PCSK6: variants seen among roughly 807,000 people sequenced by gnomAD.
PCSK6 encodes the protein paired basic amino acid cleaving enzyme 4.
In PCSK6, 85 loss-of-function variants were observed where a neutral mutation model predicts 123.3. The ratio of observed to expected loss-of-function variants is 0.69; its 90% confidence interval spans 0.58 to 0.83. The LOEUF (loss-of-function observed/expected upper bound fraction) is 0.83. Ranked by LOEUF, PCSK6 falls within the 40% of genes least tolerant of loss-of-function variation. The pLI, the probability that PCSK6 is intolerant of heterozygous loss-of-function variation, is 0.00. For missense variants in PCSK6, 1,191 were observed against 1,282.3 expected (o/e 0.93, Z 1.09); for synonymous variants, 508 against 516.0 (o/e 0.98, Z 0.21).
intron 1 of PCSK6, among the ~76,000 whole-genome samples, chr15:101,476,304 A>G (rs1251577886): frequency 1.3e-5 from 2 of 152,216 alleles, no homozygotes. Context: ...AATTCTCACA[A>G]GTGCAGAGTC....
chr15:101,362,981 G>A (rs905131415), intron 13 of PCSK6, among the ~76,000 whole-genome samples: 4 of 152,182 alleles, frequency 2.6e-5, no homozygotes, highest in African/African-American at 7.2e-5. Context: ...GACGAGCCCC[G>A]GTATTTTGTG....
At chr15:101,425,959 T>G (rs867317395) in intron 6 of PCSK6, among the ~76,000 whole-genome samples, 34 of 152,284 alleles carry the variant, frequency 2.2e-4, no homozygotes, top group South Asian at 8.3e-4. Context: ...CATTGTGACG[T>G]GGAGACAAAT....
Position 101,398,399 on chromosome 15 carries a change from C to A in PCSK6, c.996+5G>T. 1 of 1,604,832 alleles carries A rather than the reference C, an allele frequency of 6.2e-7. No homozygotes were observed. The highest frequency in any genetic ancestry group is 1.1e-5 in the South Asian group (1 of 90,462). On this transcript the variant is annotated splice_donor_5th_base_variant and intron_variant, in intron 7 of 21. Transcript: ENST00000611716. The surrounding 1 kb of genome is among the most constrained non-coding windows in gnomAD (Gnocchi z 4.6). ...GCGCTCCCCTGTAGCCCTGGTTACT[C>A]ACACCTTTTTAATGCCATACTCGAA...
At chr15:101,390,736 C>T (rs955878936) in intron 8 of PCSK6, among the ~76,000 whole-genome samples, 14 of 152,296 alleles carry the variant, frequency 9.2e-5, no homozygotes, top group African/African-American at 1.4e-4. Context: ...CGGGAGCCTC[C>T]GGAAGGAACC....
chr15:101,430,366 C>A (rs1317151311), intron 4 of PCSK6, among the ~76,000 whole-genome samples: 2 of 152,164 alleles, frequency 1.3e-5, no homozygotes, highest in South Asian at 2.1e-4. Context: ...TAACTCCCCA[C>A]TCCCCTCTCC....
chr15:101,330,300 C>T (rs1357898878), intron 15 of PCSK6, among the ~76,000 whole-genome samples: 1 of 152,200 alleles, frequency 6.6e-6, no homozygotes, highest in African/African-American at 2.4e-5. Flanking sequence ...TTCCCTCGTC[C>T]CCCTCGCTCA....
rs1459287854 is a variant in PCSK6 at position 101,400,457 on chromosome 15, C to T, written c.824-1881G>A. ...CTACATTCCAGAATCTACATCAACA[C>T]GTAGTGCATACTCAAAAGCAGCAAC... On this transcript the variant is annotated intron_variant, in intron 6 of 21. Transcript: ENST00000611716. Among the ~76,000 whole-genome samples, 9 of 152,296 alleles carry T rather than the reference C, an allele frequency of 5.9e-5. No homozygotes were observed. The East Asian group carries it at 1.2e-3, about 20-fold the overall frequency.
chr15:101,465,416 C>G (rs926246335), intron 1 of PCSK6, among the ~76,000 whole-genome samples: 1 of 152,224 alleles, frequency 6.6e-6, no homozygotes, highest in African/African-American at 2.4e-5. Context: ...TCTGATGGTA[C>G]GTCCAGTGCA....
chr15:101,484,382 CTTGTTT>C (rs1298060579), intron 1 of PCSK6, among the ~76,000 whole-genome samples: 8 of 152,148 alleles, frequency 5.3e-5, no homozygotes, highest in East Asian at 1.9e-4. Flanking sequence ...TTTGTTTTTG[CTTGTTT>C]TTGTTTTTGT....
chr15:101,473,190 C>T (rs1434851546), intron 1 of PCSK6, among the ~76,000 whole-genome samples: 2 of 152,244 alleles, frequency 1.3e-5, no homozygotes, highest in East Asian at 1.9e-4. Context: ...AATCCTCTGG[C>T]CTCAGCCTCC....
At chr15:101,444,070 T>C (rs923394093) in intron 1 of PCSK6, among the ~76,000 whole-genome samples, 2 of 152,148 alleles carry the variant, frequency 1.3e-5, no homozygotes, top group African/African-American at 4.8e-5. Flanking sequence ...CCCCATCCTC[T>C]CCACCCCATG....
rs374710045 is a variant in PCSK6 at position 101,305,308 on chromosome 15, G to A, written c.2860C>T (p.Arg954Trp). Reference sequence around the variant, plus strand: ...CAGCAGAACTGAATGAAGAGCTTCCGTTCGCACAGCCGGTTGGACTTCACC... The same window carrying A: ...CAGCAGAACTGAATGAAGAGCTTCCATTCGCACAGCCGGTTGGACTTCACC... ...EMVKSNRLCE[R>W]KLFIQFCCRT... is the part of the protein sequence containing the mutation. Residue 954 changes from arginine to tryptophan, a missense_variant, in exon 22 of 22, where the codon CGG (arginine) becomes TGG (tryptophan). By Grantham distance (101) the Arg-to-Trp change is moderately radical. Coordinates refer to ENST00000611716, the MANE Select transcript of PCSK6 (RefSeq NM_002570.5). This position sits in a 1 kb window ranked among gnomAD's most constrained non-coding sequence, Gnocchi z 4.8. The A allele has an allele frequency of 1.9e-6, 3 of 1,612,860 alleles. No homozygotes were observed. Among genetic ancestry groups the A allele is most frequent in the South Asian group, 1.1e-5 (1 of 91,028 alleles).
At chr15:101,466,812 C>T (rs1055843277) in intron 1 of PCSK6, among the ~76,000 whole-genome samples, 6 of 152,026 alleles carry the variant, frequency 3.9e-5, no homozygotes, top group African/African-American at 9.7e-5. Context: ...TCTAGAGAGA[C>T]GGAGAGTAGA....
chr15:101,448,958 G>A (rs1050798956), intron 1 of PCSK6, among the ~76,000 whole-genome samples: 6 of 152,030 alleles, frequency 3.9e-5, no homozygotes. Context: ...CATATGTGTG[G>A]ATGTATAGAA....
chr15:101,339,332 G>C (rs2040549123), intron 13 of PCSK6, among the ~76,000 whole-genome samples: 1 of 152,184 alleles, frequency 6.6e-6, no homozygotes, highest in Admixed American at 6.5e-5. Context: ...TGAAGTAAGA[G>C]AGCCCTAGAA....
chr15:101,451,308 G>A (rs993811145), intron 1 of PCSK6, among the ~76,000 whole-genome samples: 8 of 151,330 alleles, frequency 5.3e-5, no homozygotes, highest in African/African-American at 9.7e-5. Flanking sequence ...AGGTCCACCC[G>A]CCCACTCAGC....
intron 1 of PCSK6, among the ~76,000 whole-genome samples, chr15:101,451,150 G>A (rs1364720382): frequency 6.6e-6 from 1 of 151,708 alleles, no homozygotes; most frequent in African/African-American, 2.4e-5. Flanking sequence ...CTGCCAGCTC[G>A]GGTTCACTCT....
chr15:101,450,738 G>A (rs1009449225), intron 1 of PCSK6, among the ~76,000 whole-genome samples: 1 of 152,122 alleles, frequency 6.6e-6, no homozygotes, highest in Non-Finnish European at 1.5e-5. Flanking sequence ...CTTCTGGCCC[G>A]GGCTCTGCTG....
At chr15:101,389,407 T>C (rs1350652590) in intron 9 of PCSK6, 57 bp downstream of exon 9, 6 of 1,388,060 alleles carry the variant, frequency 4.3e-6, no homozygotes, top group Non-Finnish European at 6.1e-6. Flanking sequence ...ATGTCATGTG[T>C]ATTTTACCAC....
Sources: allele counts gnomAD v4.1 joint callset (sites outside exome capture counted in the v4.1 genomes callset), GRCh38; gene constraint gnomAD v4.1.1; non-coding constraint Gnocchi (gnomAD v3.1); transcripts MANE v1.5; gene names NCBI Gene and HGNC (gene_info 2026-07-23, HGNC 2026-07-21).